Variants in LPIN2 observed in about 807,000 individuals in gnomAD.
The protein encoded by LPIN2 is phosphatidate phosphatase LPIN2.
A neutral mutation model predicts 111.4 loss-of-function variants in LPIN2; 55 were observed. That is an observed-to-expected ratio of 0.49 (90% CI 0.40 to 0.62). LPIN2 has a LOEUF of 0.62. Ranked by LOEUF, LPIN2 falls within the 20% of genes least tolerant of loss-of-function variation. LPIN2 has a pLI of 0.00. For synonymous variants in LPIN2, 425 were observed against 414.0 expected (o/e 1.03, Z -0.32); for missense variants, 992 against 1,112.1 (o/e 0.89, Z 1.54).
At chr18:3,010,178 T>A (rs890821110) in intron 1 of LPIN2, among the ~76,000 whole-genome samples, 19 of 152,152 alleles carry the variant, frequency 1.2e-4, no homozygotes, top group African/African-American at 4.6e-4. Flanking sequence ...TAATAAGCGT[T>A]TAGTGTTAGT....
At chr18:2,956,479 T>C (rs367980917) in intron 2 of LPIN2, among the ~76,000 whole-genome samples, 2 of 152,222 alleles carry the variant, frequency 1.3e-5, no homozygotes, top group Non-Finnish European at 2.9e-5. Context: ...TAAAAGGAAC[T>C]GGCGTAAAAT....
At chr18:2,923,924 T>G in intron 15 of LPIN2, 63 bp from the exon 16 acceptor site, 1 of 1,342,012 alleles carries the variant, frequency 7.5e-7, no homozygotes, top group Non-Finnish European at 1.1e-6. Context: ...GTTTTCCTAT[T>G]TGGTTGACTA....
At chr18:2,934,536 G>C (rs2077258812) in intron 7 of LPIN2, 86 bp from the exon 8 acceptor site, 7 of 859,350 alleles carry the variant, frequency 8.1e-6, no homozygotes, top group Middle Eastern at 2.2e-4. Context: ...CAAACAGTAA[G>C]AGTGACAAGC....
intron 1 of LPIN2, among the ~76,000 whole-genome samples, chr18:2,968,656 T>C (rs1173660277): frequency 6.6e-6 from 1 of 152,110 alleles, no homozygotes; most frequent in African/African-American, 2.4e-5. Flanking sequence ...TGTAAAGGGC[T>C]GAACAGATTA....
chr18:2,938,089 T>A lies in LPIN2; in HGVS notation c.823-52A>T, dbSNP rs759280706. 3 of 1,390,804 alleles carry A rather than the reference T, an allele frequency of 2.2e-6. No individual in the cohort carries two copies. The African/African-American group carries it at 4.3e-5, about 20-fold the overall frequency. 86.2% of individuals were successfully genotyped at this position (1,390,804 alleles called of 1,614,324 possible). A position where few individuals can be genotyped will look rare whatever the true frequency, so the allele number is the denominator to read the frequency against. ...TAAACTACTTTCAGAGTATTTGTTATAATCTATTTCCTAAGCTGGCAATGT... is the reference window on the plus strand; with the variant it reads ...TAAACTACTTTCAGAGTATTTGTTAAAATCTATTTCCTAAGCTGGCAATGT... On this transcript the variant is annotated intron_variant, in intron 6 of 19. Transcript: ENST00000677752.
chr18:3,002,323 TG>T (rs1453494971), intron 1 of LPIN2, among the ~76,000 whole-genome samples: 1 of 151,396 alleles, frequency 6.6e-6, no homozygotes, highest in Non-Finnish European at 1.5e-5. Flanking sequence ...TAACATTTCA[TG>T]TAGTTTTATA....
chr18:2,960,697 A>G lies in LPIN2; in HGVS notation c.144T>C (p.Phe48=). ...CTCCCAGCTTTCCAAACCGAACGTG[A>G]AAAGGTGAACACTGATAGCTGCCAT... The part of the protein sequence containing the change: ...QQDGSYQCSP[F]HVRFGKLGVL... Residue 48 remains phenylalanine, a synonymous_variant, in exon 2 of 20, where the codon TTT becomes TTC. Transcript: ENST00000677752. 6.2e-7 allele frequency: 1 copy of G among 1,614,072 alleles called. No individual in the cohort carries two copies. Among genetic ancestry groups the G allele is most frequent in the Non-Finnish European group, 8.5e-7 (1 of 1,180,016 alleles).
At position 2,938,020 on chromosome 18, in the gene LPIN2, T is replaced by C. The variant is rs780138552; in HGVS notation, c.840A>G (p.Arg280=). The C allele has an allele frequency of 9.9e-6, 16 of 1,613,952 alleles. No individual in the cohort carries two copies. In the South Asian group the frequency reaches 1.3e-4, roughly 13 times the overall value. ...PESTKVSKRE[R]SDHHPRTATI... ...TAGCTGTCCTAGGATGATGGTCAGA[T>C]CGTTCTCTTTTGCTGACCTAAAAAA... Residue 280 remains arginine (R), a synonymous_variant, in exon 7 of 20, where the codon CGA becomes CGG. Transcript: ENST00000677752.
At position 2,974,994 on chromosome 18, in the gene LPIN2, G is replaced by GA. The variant is rs77730927; in HGVS notation, c.-9-14146dup. On this transcript the variant is annotated intron_variant, in intron 1 of 19. Transcript: ENST00000677752. ...AGCCTAGGCAACAGAGCAAGATCCT[G>GA]ACTCAAACAAACAAACAAAAATTGT... 2.9e-3 allele frequency among the ~76,000 whole-genome samples: 443 copies of GA among 152,234 alleles called. 16 individuals are homozygous for GA. The East Asian group carries it at 0.073, about 25-fold the overall frequency.
intron 7 of LPIN2, 149 bp from the exon 8 acceptor site, chr18:2,934,599 G>T (rs1481587814): frequency 1.5e-6 from 1 of 655,738 alleles, no homozygotes; most frequent in Non-Finnish European, 2.8e-6. Flanking sequence ...TTTTTACTTA[G>T]GTTGGTTCCC....
Position 2,920,127 on chromosome 18 carries a change from A to C in LPIN2, c.*166T>G. 1.2e-6 allele frequency: 1 copy of C among 864,974 alleles called. No homozygotes were observed. The highest frequency in any genetic ancestry group is 1.8e-6 in the Non-Finnish European group (1 of 546,568). 53.6% of individuals were successfully genotyped at this position (864,974 alleles called of 1,614,324 possible). A position where few individuals can be genotyped will look rare whatever the true frequency, so the allele number is the denominator to read the frequency against. On this transcript the variant is annotated 3_prime_UTR_variant, in exon 20 of 20. Coordinates refer to ENST00000677752, the MANE Select transcript of LPIN2 (RefSeq NM_001375808.2). ...CAGGAGCTGAGCTGCAGACCTGCCGAGCCTGAGCAGCTGGCCTGGGAAGGC... is the reference window on the plus strand; with the variant it reads ...CAGGAGCTGAGCTGCAGACCTGCCGCGCCTGAGCAGCTGGCCTGGGAAGGC...
chr18:2,942,263 A>T (rs2077376533), intron 4 of LPIN2, among the ~76,000 whole-genome samples: 1 of 152,134 alleles, frequency 6.6e-6, no homozygotes, highest in Non-Finnish European at 1.5e-5. Flanking sequence ...AAGGGGAGAA[A>T]ACATATACCT....
At chr18:2,991,189 A>G (rs2078259806) in intron 1 of LPIN2, 1 of 221,876 alleles carries the variant, frequency 4.5e-6, no homozygotes, top group African/African-American at 2.3e-5. Context: ...CTGATACAGA[A>G]AAGGTGCTCC....
At chr18:3,009,802 A>G (rs915847429) in intron 1 of LPIN2, among the ~76,000 whole-genome samples, 1 of 152,260 alleles carries the variant, frequency 6.6e-6, no homozygotes, top group African/African-American at 2.4e-5. Flanking sequence ...ACCGAAATAC[A>G]ACATTCAAAG....
intron 1 of LPIN2, among the ~76,000 whole-genome samples, chr18:3,007,480 T>C (rs950121946): frequency 6.6e-6 from 1 of 152,250 alleles, no homozygotes; most frequent in African/African-American, 2.4e-5. Flanking sequence ...CAGGTACCTA[T>C]TATTAATTTT....
At chr18:2,968,934 C>G (rs957079586) in intron 1 of LPIN2, among the ~76,000 whole-genome samples, 7 of 152,184 alleles carry the variant, frequency 4.6e-5, no homozygotes, top group African/African-American at 1.4e-4. Flanking sequence ...AGAGACTGCA[C>G]AGCTCTATGG....
At chr18:2,975,127 G>A (rs1023269742) in intron 1 of LPIN2, among the ~76,000 whole-genome samples, 1 of 152,188 alleles carries the variant, frequency 6.6e-6, no homozygotes, top group Non-Finnish European at 1.5e-5. Context: ...GCCCAGAGAA[G>A]CAACTTATCT....
At chr18:3,004,829 T>A (rs2078487787) in intron 1 of LPIN2, among the ~76,000 whole-genome samples, 1 of 152,130 alleles carries the variant, frequency 6.6e-6, no homozygotes, top group African/African-American at 2.4e-5. Flanking sequence ...AGCGATATGC[T>A]CATGCTGTGA....
intron 1 of LPIN2, among the ~76,000 whole-genome samples, chr18:2,989,750 G>A (rs992971314): frequency 3.3e-5 from 5 of 151,888 alleles, no homozygotes; most frequent in African/African-American, 9.7e-5. Flanking sequence ...GTGAAACCCC[G>A]CCTCTACAAA....
Sources: allele counts gnomAD v4.1 joint callset (sites outside exome capture counted in the v4.1 genomes callset), GRCh38; gene constraint gnomAD v4.1.1; transcripts MANE v1.5; gene names NCBI Gene and HGNC (gene_info 2026-07-23, HGNC 2026-07-21).